The following SLC44A1 variants were observed in gnomAD, a reference collection of about 807,000 sequenced individuals.
SLC44A1 encodes the protein choline transporter-like protein 1.
Under a neutral mutation model 79.3 loss-of-function variants are expected in SLC44A1, and 26 were observed. That is an observed-to-expected ratio of 0.33 (90% CI 0.24 to 0.46). SLC44A1 has a LOEUF of 0.46. Among genes scored for constraint, SLC44A1 ranks in the 20% least tolerant of loss-of-function variants. SLC44A1 has a pLI of 1.00. For synonymous variants in SLC44A1, 263 were observed against 286.2 expected, an observed-to-expected ratio of 0.92 and a Z score of 0.82; for missense variants, 688 against 798.1, an observed-to-expected ratio of 0.86 and a Z score of 1.66.
chr9:105,331,076 G>C (rs925687863), intron 3 of SLC44A1, among the ~76,000 whole-genome samples: 3 of 152,048 alleles, frequency 2.0e-5, no homozygotes, highest in African/African-American at 7.3e-5. Context: ...CTCACTTTTG[G>C]TATTTTATTT....
exon 16 of SLC44A1, chr9:105,438,381 T>C (rs1829490456): frequency 9.2e-7 from 1 of 1,081,384 alleles, no homozygotes; most frequent in Non-Finnish European, 1.4e-6. Context: ...GAGTCTGCGA[T>C]TATGAAGAGC....
intron 2 of SLC44A1, among the ~76,000 whole-genome samples, chr9:105,302,508 A>T (rs1239281770): frequency 6.6e-6 from 1 of 150,960 alleles, no homozygotes; most frequent in African/African-American, 2.4e-5. Flanking sequence ...ACCCAGCACC[A>T]CTCTTGGTTA....
rs71494529 is a variant in SLC44A1 at position 105,391,832 on chromosome 9, T to G, written c.*2776T>G. The G allele has an allele frequency of 1.0e-6, 1 of 985,260 alleles. No individual in the cohort carries two copies. Among genetic ancestry groups the G allele is most frequent in the Non-Finnish European group, 1.2e-6 (1 of 829,884 alleles). 61.0% of individuals were successfully genotyped at this position (985,260 alleles called of 1,614,324 possible). On this transcript the variant is annotated 3_prime_UTR_variant, in exon 16 of 16. Transcript: ENST00000374720. The stretch of plus-strand genomic sequence containing the variant: ...TTCATAAATCATTGATTCTATGTGG[T>G]GGTTTTTGTCTTCTTCTGTGGTGAA...
intron 1 of SLC44A1, among the ~76,000 whole-genome samples, chr9:105,265,168 A>G (rs571261065): frequency 6.6e-6 from 1 of 152,254 alleles, no homozygotes; most frequent in East Asian, 1.9e-4. Context: ...TAATTTACAT[A>G]CGGTACAATT....
intron 1 of SLC44A1, among the ~76,000 whole-genome samples, chr9:105,293,533 C>T (rs139293590): frequency 8.5e-5 from 13 of 152,138 alleles, no homozygotes; most frequent in Non-Finnish European, 1.2e-4. Flanking sequence ...TCTTTTGATA[C>T]CTTCCTAATC....
chr9:105,310,433 CA>C (rs1480599681), intron 3 of SLC44A1, among the ~76,000 whole-genome samples: 1 of 152,036 alleles, frequency 6.6e-6, no homozygotes, highest in Non-Finnish European at 1.5e-5. Flanking sequence ...AAAGGGCTAT[CA>C]TTTTGTTTTT....
chr9:105,437,615 A>G (rs901043082), intron 15 of SLC44A1, among the ~76,000 whole-genome samples: 1 of 152,140 alleles, frequency 6.6e-6, no homozygotes, highest in Admixed American at 6.6e-5. Context: ...GAATAAGAAT[A>G]TCCATTTAAA....
At chr9:105,287,354 G>A (rs967701728) in intron 1 of SLC44A1, among the ~76,000 whole-genome samples, 3 of 152,300 alleles carry the variant, frequency 2.0e-5, no homozygotes, top group South Asian at 2.1e-4. Flanking sequence ...TCATTTGAAA[G>A]TTACTATTAA....
chr9:105,246,806 C>G (rs1169383114), intron 1 of SLC44A1, among the ~76,000 whole-genome samples: 1 of 152,204 alleles, frequency 6.6e-6, no homozygotes, highest in African/African-American at 2.4e-5. Flanking sequence ...GGTGCTGCAT[C>G]AGAACTCTGC....
intron 15 of SLC44A1, among the ~76,000 whole-genome samples, chr9:105,425,187 C>T (rs10991656): frequency 1.3e-5 from 2 of 152,178 alleles, no homozygotes; most frequent in African/African-American, 4.8e-5. Context: ...TAATACCCAT[C>T]GAACACACTA....
intron 15 of SLC44A1, among the ~76,000 whole-genome samples, chr9:105,420,000 C>T (rs1410519069): frequency 6.6e-6 from 1 of 152,026 alleles, no homozygotes; most frequent in East Asian, 1.9e-4. Flanking sequence ...TTGCTTCCTA[C>T]CTCCCATGCA....
At chr9:105,375,739 T>G (rs184604960) in intron 13 of SLC44A1, among the ~76,000 whole-genome samples, 62 of 152,318 alleles carry the variant, frequency 4.1e-4, no homozygotes, top group Non-Finnish European at 6.5e-4. Context: ...TTTTATTCTA[T>G]ACTATTAAAA....
intron 4 of SLC44A1, among the ~76,000 whole-genome samples, chr9:105,340,158 TA>T (rs1210426505): frequency 6.6e-6 from 1 of 152,216 alleles, no homozygotes; most frequent in Admixed American, 6.5e-5. Flanking sequence ...ACTGTACACT[TA>T]AAAATGGTTA....
chr9:105,422,622 A>G (rs1416962647), intron 15 of SLC44A1, among the ~76,000 whole-genome samples: 2 of 152,100 alleles, frequency 1.3e-5, no homozygotes, highest in Non-Finnish European at 2.9e-5. Flanking sequence ...AGATCCCTGG[A>G]TAGGACAGAC....
At chr9:105,421,285 T>G (rs1829245554) in intron 15 of SLC44A1, among the ~76,000 whole-genome samples, 1 of 152,200 alleles carries the variant, frequency 6.6e-6, no homozygotes. Flanking sequence ...TCCTTTTGCC[T>G]AGTAAGCAAA....
intron 3 of SLC44A1, among the ~76,000 whole-genome samples, chr9:105,317,892 A>T (rs138235762): frequency 1.3e-5 from 2 of 152,146 alleles, no homozygotes; most frequent in African/African-American, 4.8e-5. Flanking sequence ...TTCTTCCCAC[A>T]CTTAGGGATA....
At chr9:105,320,649 T>C (rs1426047980) in intron 3 of SLC44A1, among the ~76,000 whole-genome samples, 3 of 148,988 alleles carry the variant, frequency 2.0e-5, no homozygotes, top group African/African-American at 7.8e-5. Flanking sequence ...TTTATTGGCA[T>C]GATTATAGCA....
chr9:105,351,023 A>G (rs1564451976), intron 5 of SLC44A1, among the ~76,000 whole-genome samples: 1 of 152,260 alleles, frequency 6.6e-6, no homozygotes, highest in African/African-American at 2.4e-5. Flanking sequence ...ATCCAAATTC[A>G]TAACTCTCTA....
intron 15 of SLC44A1, among the ~76,000 whole-genome samples, chr9:105,404,009 T>G (rs554070391): frequency 4.3e-4 from 65 of 151,112 alleles, no homozygotes; most frequent in Admixed American, 7.2e-4. Context: ...CTGACAACAG[T>G]GGGGAGTATG....
Sources: allele counts gnomAD v4.1 joint callset (sites outside exome capture counted in the v4.1 genomes callset), GRCh38; gene constraint gnomAD v4.1.1; transcripts MANE v1.5; gene names NCBI Gene and HGNC (gene_info 2026-07-23, HGNC 2026-07-21).